Variants in CREBBP observed in about 807,000 individuals in gnomAD.
The protein encoded by CREBBP is CREB-binding protein.
CREBBP carries 19 observed loss-of-function variants against 265.0 expected under a neutral mutation model. That is an observed-to-expected ratio of 0.07 (90% CI 0.05 to 0.11). CREBBP has a LOEUF of 0.11. Ranked by LOEUF, CREBBP falls within the 10% of genes least tolerant of loss-of-function variation. The probability of loss-of-function intolerance (pLI) is 1.00; values close to 1 mark genes in which losing one functional copy is unlikely to be tolerated. For missense variants in CREBBP, 2,525 were observed against 3,219.0 expected, an observed-to-expected ratio of 0.78 and a Z score of 5.22; for synonymous variants, 1,457 against 1,223.7, an observed-to-expected ratio of 1.19 and a Z score of -3.98.
chr16:3,734,798 C>T (rs1213903056), intron 28 of CREBBP, among the ~76,000 whole-genome samples: 4 of 152,138 alleles, frequency 2.6e-5, no homozygotes, highest in Admixed American at 6.5e-5. Flanking sequence ...GTGGCGGAAG[C>T]GGCCCAGGCC....
intron 21 of CREBBP, among the ~76,000 whole-genome samples, chr16:3,746,001 C>A (rs752254145): frequency 5.3e-5 from 8 of 152,246 alleles, no homozygotes; most frequent in Non-Finnish European, 1.0e-4. Context: ...CGGCAGCCCA[C>A]AACCACGGCC....
chr16:3,792,849 C>T (rs1018361437), intron 4 of CREBBP, among the ~76,000 whole-genome samples: 12 of 152,200 alleles, frequency 7.9e-5, no homozygotes, highest in African/African-American at 2.4e-4. Flanking sequence ...GCCTAGTTCA[C>T]CACCCCCCCT....
intron 1 of CREBBP, among the ~76,000 whole-genome samples, chr16:3,852,714 G>C (rs759503501): frequency 2.0e-5 from 3 of 152,102 alleles, no homozygotes; most frequent in Non-Finnish European, 4.4e-5. Flanking sequence ...GACATAAGCA[G>C]GTCTTCACCC....
intron 19 of CREBBP, among the ~76,000 whole-genome samples, chr16:3,756,861 G>A (rs191786138): frequency 6.0e-4 from 91 of 152,256 alleles, no homozygotes; most frequent in Admixed American, 1.7e-3. Context: ...CTTGCTTCTA[G>A]GGCTGCGTTT....
chr16:3,846,794 A>G (rs188948716), intron 2 of CREBBP, among the ~76,000 whole-genome samples: 29 of 152,338 alleles, frequency 1.9e-4, no homozygotes, highest in Non-Finnish European at 2.6e-4. Flanking sequence ...CTACGCCTCT[A>G]TACGCATACA....
intron 2 of CREBBP, among the ~76,000 whole-genome samples, chr16:3,826,441 A>G (rs2054238800): frequency 6.6e-6 from 1 of 152,158 alleles, no homozygotes; most frequent in South Asian, 2.1e-4. Flanking sequence ...GAAGCGGAGC[A>G]TTACAGTGGA....
chr16:3,838,135 G>C (rs1379669556), intron 2 of CREBBP, among the ~76,000 whole-genome samples: 1 of 152,030 alleles, frequency 6.6e-6, no homozygotes, highest in African/African-American at 2.4e-5. Context: ...TGTCTGGTCA[G>C]GTGTACTATT....
chr16:3,733,466 G>A (rs543414081), intron 28 of CREBBP, among the ~76,000 whole-genome samples: 3 of 152,164 alleles, frequency 2.0e-5, no homozygotes, highest in East Asian at 1.9e-4. Flanking sequence ...GGACGTCAGG[G>A]GAAAACTGAG....
chr16:3,838,342 G>C (rs1400595304), intron 2 of CREBBP, among the ~76,000 whole-genome samples: 1 of 152,040 alleles, frequency 6.6e-6, no homozygotes, highest in Non-Finnish European at 1.5e-5. Context: ...TGCCATCTAG[G>C]TTTGCATAAC....
chr16:3,805,663 C>G (rs529350891), intron 3 of CREBBP, among the ~76,000 whole-genome samples: 10 of 152,124 alleles, frequency 6.6e-5, no homozygotes, highest in Admixed American at 2.0e-4. Flanking sequence ...ATATGACAAA[C>G]AAGGTTGGGG....
At position 3,731,264 on chromosome 16, in the gene CREBBP, C is replaced by A. The variant is rs1366360557; in HGVS notation, c.5100G>T (p.Gln1700His). 1.2e-6 allele frequency: 2 copies of A among 1,614,102 alleles called. No individual in the cohort carries two copies. The highest frequency in any genetic ancestry group is 3.3e-5 in the Admixed American group (2 of 60,012). ...CGTTGCAGGTGTAGACAAAGCGGTC[C>A]TGGCCCTGGGTGTGCAGCTCCACCA... Reference protein sequence around the residue: ...CMLVELHTQGQDRFVYTCNEC... With the variant: ...CMLVELHTQGHDRFVYTCNEC... The change falls in exon 30 of 31, where the codon CAG becomes CAT. Residue 1700 changes from glutamine (Q) to histidine (H), a missense_variant. Physicochemically the swap from Gln to His is conservative, Grantham distance 24. Transcript: ENST00000262367. This position sits in a 1 kb window ranked among gnomAD's most constrained non-coding sequence, Gnocchi z 7.7.
At chr16:3,832,162 A>C (rs1475092440) in intron 2 of CREBBP, among the ~76,000 whole-genome samples, 1 of 152,152 alleles carries the variant, frequency 6.6e-6, no homozygotes, top group Non-Finnish European at 1.5e-5. Context: ...CCTATTAGCT[A>C]TTCAAATTTA....
At chr16:3,734,701 G>A (rs764378670) in intron 28 of CREBBP, among the ~76,000 whole-genome samples, 3 of 151,646 alleles carry the variant, frequency 2.0e-5, no homozygotes, top group Non-Finnish European at 4.4e-5. Context: ...CCCTGCCCGC[G>A]CCTCCTCTGT....
chr16:3,847,531 G>A (rs1426702000), intron 2 of CREBBP, among the ~76,000 whole-genome samples: 1 of 152,148 alleles, frequency 6.6e-6, no homozygotes, highest in Non-Finnish European at 1.5e-5. Context: ...CCTCTAGTGG[G>A]CTGCTTTGAG....
chr16:3,835,628 G>A (rs1448375375), intron 2 of CREBBP, among the ~76,000 whole-genome samples: 4 of 139,646 alleles, frequency 2.9e-5, no homozygotes, highest in African/African-American at 5.6e-5. Context: ...CGCCTAGGCT[G>A]GAGTGCAGTA....
At chr16:3,759,221 A>G (rs977311630) in intron 16 of CREBBP, among the ~76,000 whole-genome samples, 1 of 152,204 alleles carries the variant, frequency 6.6e-6, no homozygotes, top group Non-Finnish European at 1.5e-5. Context: ...GGTTTCCAAC[A>G]TTAAAAACTT....
intron 27 of CREBBP, 67 bp from the exon 28 acceptor site, chr16:3,736,270 G>C: frequency 6.6e-7 from 1 of 1,520,356 alleles, no homozygotes. Context: ...TGGTGCGACA[G>C]ACCCCCACGC....
chr16:3,759,948 C>T (rs565401774), intron 16 of CREBBP, among the ~76,000 whole-genome samples: 27 of 152,176 alleles, frequency 1.8e-4, no homozygotes, highest in Non-Finnish European at 2.9e-4. Flanking sequence ...TGTGGGAGGC[C>T]GGCCAGTCAG....
intron 16 of CREBBP, among the ~76,000 whole-genome samples, chr16:3,766,267 T>C (rs2052850142): frequency 6.6e-6 from 1 of 152,232 alleles, no homozygotes; most frequent in African/African-American, 2.4e-5. Flanking sequence ...ACTGGCTGAA[T>C]TTTGGTATAG....
Sources: allele counts gnomAD v4.1 joint callset (sites outside exome capture counted in the v4.1 genomes callset), GRCh38; gene constraint gnomAD v4.1.1; non-coding constraint Gnocchi (gnomAD v3.1); transcripts MANE v1.5; gene names NCBI Gene and HGNC (gene_info 2026-07-23, HGNC 2026-07-21).